The following NGF variants were observed in gnomAD, a reference collection of about 807,000 sequenced individuals.
NGF encodes beta-nerve growth factor.
Under a neutral mutation model 12.8 loss-of-function variants are expected in NGF, and 4 were observed. That is an observed-to-expected ratio of 0.31 (90% confidence interval 0.15 to 0.72). NGF has a LOEUF of 0.72. Ranked by LOEUF, NGF falls within the 30% of genes least tolerant of loss-of-function variation. NGF has a pLI of 0.69. For missense variants in NGF, 283 were observed against 330.8 expected (o/e 0.86, Z 1.12); for synonymous variants, 140 against 130.0 (o/e 1.08, Z -0.52).
intron 2 of NGF, among the ~76,000 whole-genome samples, chr1:115,289,156 T>A (rs1653606971): frequency 6.6e-6 from 1 of 152,212 alleles, no homozygotes; most frequent in Admixed American, 6.5e-5. Flanking sequence ...TCCGGTCAAC[T>A]CTTAGCGGAC....
At chr1:115,307,826 AC>A (rs1279502349) in intron 1 of NGF, among the ~76,000 whole-genome samples, 1 of 152,248 alleles carries the variant, frequency 6.6e-6, no homozygotes, top group Non-Finnish European at 1.5e-5. Context: ...CCAAAGGCTC[AC>A]AGCATCTCCA....
At chr1:115,292,548 C>T (rs1380640245) in intron 2 of NGF, among the ~76,000 whole-genome samples, 3 of 152,086 alleles carry the variant, frequency 2.0e-5, no homozygotes, top group African/African-American at 7.2e-5. Flanking sequence ...TTGTAGAAGA[C>T]AAAAATGAGC....
intron 1 of NGF, among the ~76,000 whole-genome samples, chr1:115,336,201 TG>T (rs1214295988): frequency 6.6e-6 from 1 of 151,044 alleles, no homozygotes; most frequent in Non-Finnish European, 1.5e-5. Flanking sequence ...CTGCCCTGAG[TG>T]GGCCCAGTTC....
intron 1 of NGF, among the ~76,000 whole-genome samples, chr1:115,306,349 C>T (rs1032227836): frequency 3.3e-5 from 5 of 152,194 alleles, no homozygotes; most frequent in African/African-American, 7.2e-5. Context: ...GTGAGTTGCT[C>T]AATCAGGATT....
chr1:115,320,748 G>T (rs945402765), intron 1 of NGF, among the ~76,000 whole-genome samples: 2 of 152,236 alleles, frequency 1.3e-5, no homozygotes. Context: ...AGCTAAGGGG[G>T]TGACCACTGT....
At chr1:115,316,111 T>C (rs944299120) in intron 1 of NGF, among the ~76,000 whole-genome samples, 2 of 152,172 alleles carry the variant, frequency 1.3e-5, no homozygotes, top group Non-Finnish European at 2.9e-5. Flanking sequence ...AGAGAGACCA[T>C]CTGTCGGAGT....
intron 1 of NGF, among the ~76,000 whole-genome samples, chr1:115,333,747 T>A (rs1383484570): frequency 1.8e-5 from 2 of 109,334 alleles, no homozygotes; most frequent in Admixed American, 9.7e-5. Context: ...TCTTTCTTCC[T>A]TCCTCCCTCC....
At chr1:115,301,689 G>C (rs1406506882) in intron 1 of NGF, among the ~76,000 whole-genome samples, 2 of 152,158 alleles carry the variant, frequency 1.3e-5, no homozygotes, top group South Asian at 2.1e-4. Flanking sequence ...GCTGTGGGGC[G>C]ATTATCTGCA....
intron 1 of NGF, among the ~76,000 whole-genome samples, chr1:115,321,923 G>C (rs1332821085): frequency 6.6e-6 from 1 of 152,182 alleles, no homozygotes; most frequent in South Asian, 2.1e-4. Flanking sequence ...TGCACACAGT[G>C]AGGACGCAGT....
At chr1:115,290,233 C>G (rs1653643620) in intron 2 of NGF, among the ~76,000 whole-genome samples, 1 of 152,078 alleles carries the variant, frequency 6.6e-6, no homozygotes, top group African/African-American at 2.4e-5. Context: ...CTTTTTCAGA[C>G]TCTTCCCTTC....
intron 1 of NGF, among the ~76,000 whole-genome samples, chr1:115,312,959 G>T (rs868159018): frequency 1.8e-4 from 27 of 152,184 alleles, no homozygotes; most frequent in African/African-American, 6.3e-4. Context: ...ATTTTTTACT[G>T]AGGATTTGGT....
intron 1 of NGF, among the ~76,000 whole-genome samples, chr1:115,326,572 G>T (rs1307530628): frequency 6.6e-6 from 1 of 152,150 alleles, no homozygotes; most frequent in Non-Finnish European, 1.5e-5. Flanking sequence ...TTTCTGTGGT[G>T]TTCTTGGCCT....
At chr1:115,327,230 G>C (rs1486211736) in intron 1 of NGF, among the ~76,000 whole-genome samples, 1 of 152,162 alleles carries the variant, frequency 6.6e-6, no homozygotes, top group Non-Finnish European at 1.5e-5. Flanking sequence ...TGTGCACCAT[G>C]TCAACTTAAA....
chr1:115,298,141 AC>A (rs1168228678), intron 1 of NGF, among the ~76,000 whole-genome samples: 1 of 152,152 alleles, frequency 6.6e-6, no homozygotes, highest in Non-Finnish European at 1.5e-5. Context: ...CTCCTGCCTG[AC>A]CCACGCCCAG....
intron 1 of NGF, among the ~76,000 whole-genome samples, chr1:115,322,644 A>T (rs1264374741): frequency 6.6e-6 from 1 of 152,118 alleles, no homozygotes; most frequent in Non-Finnish European, 1.5e-5. Flanking sequence ...GATAACAACA[A>T]CTCTAAAGTT....
intron 1 of NGF, among the ~76,000 whole-genome samples, chr1:115,328,830 G>A (rs1654838570): frequency 6.6e-6 from 1 of 152,110 alleles, no homozygotes; most frequent in Admixed American, 6.5e-5. Context: ...GACAATTACT[G>A]TTATGGTCAT....
intron 2 of NGF, among the ~76,000 whole-genome samples, chr1:115,292,275 C>T (rs1479874636): frequency 6.6e-6 from 1 of 152,076 alleles, no homozygotes; most frequent in African/African-American, 2.4e-5. Flanking sequence ...TCTGTTAGGA[C>T]AGGATTTATT....
chr1:115,306,115 A>G lies in NGF; in HGVS notation c.-136-12365T>C, dbSNP rs147473462. ...ACAAGAATAGAAACTTACCCTAATGATTTCATTTTTAGTCCAAAACATACA... is the reference window on the plus strand; with the variant it reads ...ACAAGAATAGAAACTTACCCTAATGGTTTCATTTTTAGTCCAAAACATACA... On this transcript the variant is annotated intron_variant, in intron 1 of 2. Coordinates refer to ENST00000369512, the MANE Select transcript of NGF (RefSeq NM_002506.3). Among the ~76,000 whole-genome samples, 5 of 152,312 alleles carry G rather than the reference A, an allele frequency of 3.3e-5. No individual in the cohort carries two copies. In the East Asian group the frequency reaches 9.6e-4, roughly 29 times the overall value.
At chr1:115,327,758 T>G (rs1654815609) in intron 1 of NGF, among the ~76,000 whole-genome samples, 1 of 152,252 alleles carries the variant, frequency 6.6e-6, no homozygotes. Flanking sequence ...ATCTCTCTGC[T>G]GGCTTGTTTG....
Sources: allele counts gnomAD v4.1 joint callset (sites outside exome capture counted in the v4.1 genomes callset), GRCh38; gene constraint gnomAD v4.1.1; transcripts MANE v1.5; gene names NCBI Gene and HGNC (gene_info 2026-07-23, HGNC 2026-07-21).